TANC1: variants seen among roughly 807,000 people sequenced by gnomAD.
The protein encoded by TANC1 is tetratricopeptide repeat, ankyrin repeat and coiled-coil containing 1, also known as protein TANC1.
Under a neutral mutation model 149.7 loss-of-function variants are expected in TANC1, and 77 were observed. The observed-to-expected ratio is 0.51, with a 90% CI of 0.43 to 0.62. The LOEUF (loss-of-function observed/expected upper bound fraction) is 0.62. Among genes scored for constraint, TANC1 ranks in the 20% least tolerant of loss-of-function variants. The pLI is 0.00. For synonymous variants in TANC1, 854 were observed against 925.0 expected (o/e 0.92, Z 1.39); for missense variants, 1,985 against 2,321.8 (o/e 0.85, Z 2.98).
At chr2:159,020,565 T>TA (rs2038746422) in intron 2 of TANC1, among the ~76,000 whole-genome samples, 3 of 152,250 alleles carry the variant, frequency 2.0e-5, no homozygotes, top group Admixed American at 2.0e-4. Flanking sequence ...ATGACATACT[T>TA]ACTGCATGGT....
At position 159,178,739 on chromosome 2, in the gene TANC1, C is replaced by T. The variant is rs766697874; in HGVS notation, c.2086C>T (p.Leu696=). The T allele has an allele frequency of 5.0e-6, 8 of 1,614,054 alleles. No homozygotes were observed. In the Admixed American group the frequency reaches 8.3e-5, roughly 17 times the overall value. The change falls in exon 14 of 27, where the codon CTG becomes TTG. Residue 696 remains leucine, a synonymous_variant. Transcript: ENST00000263635. ...ACTCATTGGAAAAGTGAGCAGCCAC[C>T]TGGTGCTGCGGAGCCTCGGCTCCTA... ...ATLIGKVSSH[L]VLRSLGSYLY...
At chr2:159,228,554 A>G (rs531340902) in intron 25 of TANC1, 39 of 472,694 alleles carry the variant, frequency 8.3e-5, no homozygotes, top group Non-Finnish European at 1.1e-4. Context: ...GTGAGGTTCC[A>G]CCATCTGGCC....
intron 25 of TANC1, 155 bp from the exon 26 acceptor site, chr2:159,228,641 C>G (rs751399306): frequency 5.6e-5 from 36 of 647,542 alleles, no homozygotes; most frequent in Non-Finnish European, 9.7e-5. Flanking sequence ...ATCATTATCT[C>G]CTCACTTTAA....
intron 5 of TANC1, among the ~76,000 whole-genome samples, chr2:159,138,454 C>G (rs1189943822): frequency 6.9e-6 from 1 of 145,666 alleles, no homozygotes; most frequent in Non-Finnish European, 1.6e-5. Flanking sequence ...CATGGAGTCC[C>G]TTAAATTTCA....
chr2:159,138,778 C>T (rs1219135191), intron 5 of TANC1, among the ~76,000 whole-genome samples: 1 of 152,170 alleles, frequency 6.6e-6, no homozygotes, highest in African/African-American at 2.4e-5. Flanking sequence ...CTGAAAACAG[C>T]TCTTTGTGAA....
chr2:159,024,406 G>T (rs1483042057), intron 2 of TANC1, among the ~76,000 whole-genome samples: 2 of 152,152 alleles, frequency 1.3e-5, no homozygotes, highest in Non-Finnish European at 2.9e-5. Flanking sequence ...AGAGCAACTT[G>T]CAGTCCTGCA....
chr2:159,169,033 A>G (rs1399585545), intron 8 of TANC1, among the ~76,000 whole-genome samples: 1 of 152,222 alleles, frequency 6.6e-6, no homozygotes, highest in Non-Finnish European at 1.5e-5. Context: ...AACTCAGTCA[A>G]CATAACTTTA....
chr2:159,022,330 C>T (rs1003352287), intron 2 of TANC1, among the ~76,000 whole-genome samples: 4 of 152,180 alleles, frequency 2.6e-5, no homozygotes, highest in Admixed American at 6.5e-5. Flanking sequence ...TACACACCAG[C>T]GTGTATGCAC....
chr2:159,203,269 C>T (rs1465097091), intron 19 of TANC1, among the ~76,000 whole-genome samples: 2 of 145,566 alleles, frequency 1.4e-5, no homozygotes, highest in African/African-American at 5.1e-5. Context: ...TGCTGTGGTG[C>T]AATCTTGGCT....
At chr2:159,209,150 G>A (rs182646655) in intron 19 of TANC1, among the ~76,000 whole-genome samples, 17 of 152,334 alleles carry the variant, frequency 1.1e-4, no homozygotes, top group African/African-American at 3.6e-4. Flanking sequence ...GCCTGCAGAA[G>A]CTTCAGTTGA....
chr2:159,062,757 G>C (rs1384971944), intron 2 of TANC1, among the ~76,000 whole-genome samples: 1 of 151,134 alleles, frequency 6.6e-6, no homozygotes, highest in Non-Finnish European at 1.5e-5. Context: ...CATGAGGTCA[G>C]GAGATCGAGA....
chr2:159,215,699 C>A (rs2059297913), intron 19 of TANC1, among the ~76,000 whole-genome samples: 1 of 152,230 alleles, frequency 6.6e-6, no homozygotes, highest in African/African-American at 2.4e-5. Context: ...CCACAGATGA[C>A]CCTCTCCCGA....
chr2:159,138,996 A>C (rs2051073765), intron 5 of TANC1, among the ~76,000 whole-genome samples: 1 of 152,214 alleles, frequency 6.6e-6, no homozygotes, highest in South Asian at 2.1e-4. Context: ...TGTGTGATGC[A>C]CGTTTTAGCC....
intron 4 of TANC1, among the ~76,000 whole-genome samples, chr2:159,126,608 T>C (rs1181646377): frequency 1.3e-5 from 2 of 152,270 alleles, no homozygotes; most frequent in Non-Finnish European, 2.9e-5. Flanking sequence ...TAAGGATAGC[T>C]AGCAGACTGG....
At position 159,097,844 on chromosome 2, in the gene TANC1, C is replaced by G; in HGVS notation, c.259+10C>G. 6.2e-7 allele frequency: 1 copy of G among 1,608,390 alleles called. No homozygotes were observed. Among genetic ancestry groups the G allele is most frequent in the East Asian group, 2.2e-5 (1 of 44,720 alleles). ...AACAAAAAATCCCCAGGTAAACAGG[C>G]AATGAAGGAGCTGCCTTGGTTATAT... On this transcript the variant is annotated intron_variant, in intron 4 of 26. Coordinates refer to ENST00000263635, the MANE Select transcript of TANC1 (RefSeq NM_033394.3).
chr2:158,981,489 TTTTATATATATATATATATATATATA>T (rs2034308579), intron 1 of TANC1, among the ~76,000 whole-genome samples: 2 of 51,692 alleles, frequency 3.9e-5, no homozygotes, highest in African/African-American at 1.5e-4. Context: ...AATATATAGC[TTTTATATATATATATATATATATATA>T]TATATATATA....
chr2:159,025,193 C>CTTTCTTTCTTTCTTTA (rs758242115), intron 2 of TANC1, among the ~76,000 whole-genome samples: 3 of 116,810 alleles, frequency 2.6e-5, no homozygotes, highest in East Asian at 2.3e-4. Flanking sequence ...TCTTTCTTTT[C>CTTTCTTTCTTTCTTTA]TTTCTTTCTT....
At chr2:159,028,860 G>A (rs777645847) in intron 2 of TANC1, among the ~76,000 whole-genome samples, 3 of 152,130 alleles carry the variant, frequency 2.0e-5, no homozygotes, top group Non-Finnish European at 4.4e-5. Context: ...TCAAACTCCT[G>A]TGCTCAAGTG....
intron 5 of TANC1, among the ~76,000 whole-genome samples, chr2:159,137,731 C>T (rs2050914135): frequency 6.6e-6 from 1 of 152,176 alleles, no homozygotes; most frequent in African/African-American, 2.4e-5. Context: ...AAGCTGTCTG[C>T]CTGGCTCAGA....
Sources: allele counts gnomAD v4.1 joint callset (sites outside exome capture counted in the v4.1 genomes callset), GRCh38; gene constraint gnomAD v4.1.1; transcripts MANE v1.5; gene names NCBI Gene and HGNC (gene_info 2026-07-23, HGNC 2026-07-21).